The following USP10 variants were observed in gnomAD, a reference collection of about 807,000 sequenced individuals.
USP10 encodes the protein ubiquitin carboxyl-terminal hydrolase 10.
A neutral mutation model predicts 84.5 loss-of-function variants in USP10; 22 were observed. The observed-to-expected ratio is 0.26, with a 90% CI of 0.19 to 0.37. The LOEUF (loss-of-function observed/expected upper bound fraction) is 0.37, where lower values mean the gene tolerates loss of function less well. USP10 is among the 10% of genes least tolerant of loss of function. The pLI is 1.00. For missense variants in USP10, 1,019 were observed against 998.9 expected, an observed-to-expected ratio of 1.02 and a Z score of -0.27; for synonymous variants, 454 against 387.6, an observed-to-expected ratio of 1.17 and a Z score of -2.01.
chr16:84,750,106 A>G (rs990586713), intron 4 of USP10, among the ~76,000 whole-genome samples: 3 of 152,146 alleles, frequency 2.0e-5, no homozygotes, highest in Admixed American at 2.0e-4. Flanking sequence ...AGTAGGAGTC[A>G]ACAAAAGGAA....
intron 1 of USP10, among the ~76,000 whole-genome samples, chr16:84,706,114 T>C (rs1229340250): frequency 6.6e-6 from 1 of 152,170 alleles, no homozygotes; most frequent in African/African-American, 2.4e-5. Flanking sequence ...ACTCCTGGCC[T>C]CAAGGGATCC....
chr16:84,753,622 G>C (rs1274949388), intron 4 of USP10, among the ~76,000 whole-genome samples: 1 of 152,228 alleles, frequency 6.6e-6, no homozygotes, highest in African/African-American at 2.4e-5. Context: ...CGTCTTCCTG[G>C]TTTGTGTGCC....
rs1911041144 is a variant in USP10, at chr16:84,745,021, T to C, written c.540T>C (p.His180=). Reference sequence around the variant, plus strand: ...CCACAGAAGCCCTGGTCAATGGCCATGCCAATTCAGCAGTCCCGAACAGTG... The same window carrying C: ...CCACAGAAGCCCTGGTCAATGGCCACGCCAATTCAGCAGTCCCGAACAGTG... ...SISTEALVNG[H]ANSAVPNSVS... Residue 180 remains histidine, a synonymous_variant, in exon 4 of 14, where the codon CAT becomes CAC. Coordinates refer to ENST00000219473, the MANE Select transcript of USP10 (RefSeq NM_005153.3). 6.8e-6 allele frequency: 11 copies of C among 1,613,708 alleles called. No individual in the cohort carries two copies. The South Asian group carries it at 1.2e-4, about 18-fold the overall frequency.
At chr16:84,715,110 A>T (rs189521925) in intron 1 of USP10, among the ~76,000 whole-genome samples, 410 of 152,000 alleles carry the variant, frequency 2.7e-3, no homozygotes, top group Non-Finnish European at 4.2e-3. Flanking sequence ...TATATTTTTT[A>T]GTAGAGATGG....
At chr16:84,719,351 A>C (rs1187863901) in intron 1 of USP10, among the ~76,000 whole-genome samples, 2 of 152,062 alleles carry the variant, frequency 1.3e-5, no homozygotes, top group African/African-American at 2.4e-5. Flanking sequence ...GTAGTGATGG[A>C]GCTTTTACTT....
chr16:84,749,571 C>G (rs974968226), intron 4 of USP10, among the ~76,000 whole-genome samples: 13 of 137,108 alleles, frequency 9.5e-5, no homozygotes, highest in African/African-American at 3.2e-4. Context: ...GAGACCCCAT[C>G]TTTAAAAAAA....
chr16:84,739,121 C>G (rs535921104), intron 2 of USP10, among the ~76,000 whole-genome samples: 43 of 150,790 alleles, frequency 2.9e-4, no homozygotes, highest in African/African-American at 1.0e-3. Flanking sequence ...TGCAGTGGCA[C>G]TATCTCGGCT....
chr16:84,715,048 C>G (rs1906834900), intron 1 of USP10, among the ~76,000 whole-genome samples: 1 of 151,838 alleles, frequency 6.6e-6, no homozygotes. Flanking sequence ...CCTGCCTCAG[C>G]CTCCTGAGTA....
chr16:84,763,121 C>G, intron 9 of USP10, 33 bp downstream of exon 9: 1 of 1,450,670 alleles, frequency 6.9e-7, no homozygotes, highest in Non-Finnish European at 9.6e-7. Context: ...CAGAGTTGTG[C>G]AAGAGTTCGC....
At chr16:84,770,143 G>A (rs930029484) in intron 11 of USP10, among the ~76,000 whole-genome samples, 1 of 152,100 alleles carries the variant, frequency 6.6e-6, no homozygotes, top group Non-Finnish European at 1.5e-5. Context: ...AGGAAAGCTG[G>A]CATTTTGGTG....
In USP10 at chr16:84,772,676, A is replaced by G; in HGVS notation, c.2134A>G (p.Ile712Val). The G allele has an allele frequency of 6.2e-7, 1 of 1,614,024 alleles. No individual in the cohort carries two copies. Among genetic ancestry groups the G allele is most frequent in the Non-Finnish European group, 8.5e-7 (1 of 1,179,888 alleles). ...KNIEYPVDLEISKELLSPGVK... is the reference protein window; with the variant it reads ...KNIEYPVDLEVSKELLSPGVK... ...TATTGAATATCCTGTGGACTTGGAAATTAGTAAAGGTAATGCATACATAAG... is the reference window on the plus strand; with the variant it reads ...TATTGAATATCCTGTGGACTTGGAAGTTAGTAAAGGTAATGCATACATAAG... Residue 712 changes from isoleucine (I) to valine (V), a missense_variant, in exon 12 of 14, where the codon ATT (isoleucine) becomes GTT (valine). Physicochemically the swap from Ile to Val is conservative, Grantham distance 29. Coordinates refer to ENST00000219473, the MANE Select transcript of USP10 (RefSeq NM_005153.3).
intron 1 of USP10, among the ~76,000 whole-genome samples, chr16:84,729,452 A>C (rs1438134643): frequency 6.6e-6 from 1 of 152,238 alleles, no homozygotes; most frequent in Non-Finnish European, 1.5e-5. Flanking sequence ...GGGTTGTATC[A>C]GAATTCCTGC....
chr16:84,700,243 C>T (rs1378930979), intron 1 of USP10, 132 bp downstream of exon 1: 1 of 755,476 alleles, frequency 1.3e-6, no homozygotes. Flanking sequence ...GACACGCTGC[C>T]CGGGCCTAGG....
intron 1 of USP10, among the ~76,000 whole-genome samples, chr16:84,720,063 G>A (rs1003308366): frequency 6.6e-6 from 1 of 152,214 alleles, no homozygotes; most frequent in Non-Finnish European, 1.5e-5. Flanking sequence ...CTTAACACCG[G>A]AAGGAGAGGA....
intron 13 of USP10, among the ~76,000 whole-genome samples, chr16:84,775,530 C>T (rs1365409513): frequency 6.6e-6 from 1 of 152,242 alleles, no homozygotes; most frequent in East Asian, 1.9e-4. Flanking sequence ...CCTCTCCCGG[C>T]TGTGCTTGTG....
intron 1 of USP10, among the ~76,000 whole-genome samples, chr16:84,705,696 A>G (rs1905393845): frequency 1.3e-5 from 2 of 148,450 alleles, no homozygotes; most frequent in South Asian, 4.2e-4. Context: ...GAGTACAGAC[A>G]TAATCATGCC....
chr16:84,776,580 G>A (rs543783881), intron 13 of USP10, among the ~76,000 whole-genome samples: 4 of 152,208 alleles, frequency 2.6e-5, no homozygotes, highest in East Asian at 1.9e-4. Flanking sequence ...TCCTTGGAGT[G>A]TGGCACCCAG....
rs114675553 is a variant in USP10, at chr16:84,738,217, C to T, written c.91-2092C>T. Among the ~76,000 whole-genome samples, 627 of 152,268 alleles carry T rather than the reference C, an allele frequency of 4.1e-3. 8 individuals carry two copies. Among genetic ancestry groups the T allele is most frequent in the African/African-American group, 0.014 (598 of 41,552 alleles). On this transcript the variant is annotated intron_variant, in intron 2 of 13. Coordinates refer to ENST00000219473, the MANE Select transcript of USP10 (RefSeq NM_005153.3). ...TCTCTTCCCCGAGCAGAACAGAATA[C>T]TGGGAAGTGTGAAGAGAACATTGAT...
intron 10 of USP10, among the ~76,000 whole-genome samples, chr16:84,764,939 A>AAAAAATATATATATATATAT (rs370383030): frequency 7.6e-6 from 1 of 132,258 alleles, no homozygotes; most frequent in African/African-American, 2.8e-5. Flanking sequence ...GAGAAAAAAA[A>AAAAAATATATATATATATAT]ATATATATAT....
Sources: allele counts gnomAD v4.1 joint callset (sites outside exome capture counted in the v4.1 genomes callset), GRCh38; gene constraint gnomAD v4.1.1; transcripts MANE v1.5; gene names NCBI Gene and HGNC (gene_info 2026-07-23, HGNC 2026-07-21).